L3MBTL4: variants seen among roughly 807,000 people sequenced by gnomAD.
L3MBTL4 encodes the protein L3MBTL histone methyl-lysine binding protein 4, also known as lethal(3)malignant brain tumor-like protein 4.
L3MBTL4 carries 70 observed loss-of-function variants against 84.5 expected under a neutral mutation model. The ratio of observed to expected loss-of-function variants is 0.83; its 90% CI spans 0.68 to 1.01. The LOEUF (loss-of-function observed/expected upper bound fraction) is 1.01. L3MBTL4 is among the 50% of genes least tolerant of loss of function. The pLI is 0.00. For synonymous variants in L3MBTL4, 274 were observed against 259.8 expected (o/e 1.05, Z -0.52); for missense variants, 715 against 754.8 (o/e 0.95, Z 0.62).
chr18:6,277,164 T>C (rs1305378764), intron 4 of L3MBTL4, among the ~76,000 whole-genome samples: 20 of 145,920 alleles, frequency 1.4e-4, no homozygotes, highest in Admixed American at 1.0e-3. Context: ...GGAGGGATAG[T>C]ATTGGGAGAT....
chr18:6,383,447 C>G (rs1471929930), intron 1 of L3MBTL4, among the ~76,000 whole-genome samples: 2 of 152,116 alleles, frequency 1.3e-5, no homozygotes, highest in Admixed American at 6.6e-5. Context: ...GGGGTAGGCA[C>G]CAGAGGGAAT....
At chr18:6,049,510 C>CAT (rs1296609457) in intron 16 of L3MBTL4, among the ~76,000 whole-genome samples, 1 of 152,258 alleles carries the variant, frequency 6.6e-6, no homozygotes, top group South Asian at 2.1e-4. Flanking sequence ...ATATCTGGTA[C>CAT]ATATATATCA....
intron 16 of L3MBTL4, chr18:6,046,855 A>C: frequency 1.5e-6 from 1 of 678,360 alleles, no homozygotes; most frequent in South Asian, 1.8e-5. Context: ...TAGAAAAACA[A>C]GTATAAACTA....
chr18:6,244,383 G>T, intron 6 of L3MBTL4, 101 bp downstream of exon 6: 1 of 739,446 alleles, frequency 1.4e-6, no homozygotes, highest in Non-Finnish European at 2.3e-6. Context: ...ATAATGCACT[G>T]GAACTTCTTC....
At chr18:6,141,051 A>G (rs898706439) in intron 13 of L3MBTL4, among the ~76,000 whole-genome samples, 11 of 149,074 alleles carry the variant, frequency 7.4e-5, no homozygotes, top group African/African-American at 2.4e-4. Context: ...TGGAATACTC[A>G]CCTATTCCGC....
chr18:6,240,954 G>A (rs578060428), intron 8 of L3MBTL4, among the ~76,000 whole-genome samples: 8 of 152,280 alleles, frequency 5.3e-5, no homozygotes, highest in Non-Finnish European at 1.2e-4. Flanking sequence ...AGTACAAAAT[G>A]TTACTCTCAT....
chr18:6,286,567 T>A (rs77147500), intron 4 of L3MBTL4, among the ~76,000 whole-genome samples: 22 of 152,302 alleles, frequency 1.4e-4, no homozygotes, highest in African/African-American at 5.3e-4. Context: ...CCAGCTGGTC[T>A]GTGTGTATGC....
intron 1 of L3MBTL4, among the ~76,000 whole-genome samples, chr18:6,401,129 A>G (rs2055493770): frequency 6.6e-6 from 1 of 152,128 alleles, no homozygotes; most frequent in Non-Finnish European, 1.5e-5. Context: ...TTTGGCTCTA[A>G]TTATACAGTG....
intron 16 of L3MBTL4, among the ~76,000 whole-genome samples, chr18:5,994,601 T>C (rs549223196): frequency 2.0e-4 from 30 of 152,282 alleles, no homozygotes; most frequent in African/African-American, 6.7e-4. Flanking sequence ...CCAGGCATGG[T>C]GGGCTCAGTC....
intron 1 of L3MBTL4, among the ~76,000 whole-genome samples, chr18:6,362,467 A>C (rs1174793261): frequency 6.6e-6 from 1 of 152,170 alleles, no homozygotes; most frequent in African/African-American, 2.4e-5. Flanking sequence ...CTCTGCTGGA[A>C]AACTGCTCCT....
chr18:6,351,101 C>A (rs2053161995), intron 1 of L3MBTL4, among the ~76,000 whole-genome samples: 1 of 152,114 alleles, frequency 6.6e-6, no homozygotes, highest in Non-Finnish European at 1.5e-5. Flanking sequence ...GAGGCTGAGG[C>A]AGAAGAATCA....
chr18:6,092,153 G>T (rs908490662), intron 15 of L3MBTL4, among the ~76,000 whole-genome samples: 1 of 152,168 alleles, frequency 6.6e-6, no homozygotes, highest in African/African-American at 2.4e-5. Flanking sequence ...ATAGAGAGAA[G>T]CACTAATCTA....
At chr18:6,207,728 C>T (rs892377481) in intron 12 of L3MBTL4, among the ~76,000 whole-genome samples, 11 of 152,220 alleles carry the variant, frequency 7.2e-5, no homozygotes, top group African/African-American at 2.6e-4. Context: ...CTGTGATGAC[C>T]ATTAATTACA....
At chr18:6,046,679 G>A (rs774250825) in intron 16 of L3MBTL4, 1 of 745,080 alleles carries the variant, frequency 1.3e-6, no homozygotes, top group South Asian at 1.5e-5. Flanking sequence ...AACTAAGGCA[G>A]AAGTAAAAAA....
At chr18:6,213,951 A>G (rs2046221120) in intron 11 of L3MBTL4, among the ~76,000 whole-genome samples, 1 of 152,196 alleles carries the variant, frequency 6.6e-6, no homozygotes, top group Non-Finnish European at 1.5e-5. Context: ...TTCAGAAACT[A>G]TTGACTATTC....
intron 10 of L3MBTL4, among the ~76,000 whole-genome samples, chr18:6,225,611 TTAACTGGGTGTGGTCGTAC>T (rs1407166881): frequency 6.6e-6 from 1 of 151,748 alleles, no homozygotes; most frequent in Non-Finnish European, 1.5e-5. Context: ...AATACAAACA[TTAACTGGGTGTGGTCGTAC>T]ACACCTGTAG....
chr18:6,196,729 A>T (rs1003702774), intron 12 of L3MBTL4, among the ~76,000 whole-genome samples: 1 of 152,220 alleles, frequency 6.6e-6, no homozygotes, highest in Non-Finnish European at 1.5e-5. Flanking sequence ...GAATATTCTG[A>T]ACATCTTACT....
intron 15 of L3MBTL4, among the ~76,000 whole-genome samples, chr18:6,090,084 A>T (rs1598713416): frequency 6.6e-6 from 1 of 152,154 alleles, no homozygotes; most frequent in Non-Finnish European, 1.5e-5. Flanking sequence ...AGTGTAAGCT[A>T]TTCACCTCCA....
chr18:5,984,207 C>T (rs1406167299), intron 16 of L3MBTL4, among the ~76,000 whole-genome samples: 3 of 152,210 alleles, frequency 2.0e-5, no homozygotes, highest in Non-Finnish European at 4.4e-5. Context: ...CCACCGCACC[C>T]TGCCCATCTG....
Sources: gnomAD v4.1 joint callset for allele counts (sites outside exome capture counted in the v4.1 genomes callset) on GRCh38, gnomAD v4.1.1 for gene constraint, MANE v1.5 for transcripts, NCBI Gene and HGNC (gene_info 2026-07-23, HGNC 2026-07-21) for gene names.